NEDD4L: variants seen among roughly 807,000 people sequenced by gnomAD.
NEDD4L encodes the protein NEDD4 like E3 ubiquitin protein ligase.
In NEDD4L, 54 loss-of-function variants were observed where a neutral mutation model predicts 148.9. The ratio of observed to expected loss-of-function variants is 0.36; its 90% CI spans 0.29 to 0.45. NEDD4L has a LOEUF of 0.45. Ranked by LOEUF, NEDD4L falls within the 20% of genes least tolerant of loss-of-function variation. NEDD4L has a pLI of 1.00. For synonymous variants in NEDD4L, 433 were observed against 440.7 expected (o/e 0.98, Z 0.22); for missense variants, 856 against 1,233.8 (o/e 0.69, Z 4.59).
chr18:58,219,163 G>A (rs2043466025), intron 2 of NEDD4L, among the ~76,000 whole-genome samples: 1 of 152,226 alleles, frequency 6.6e-6, no homozygotes, highest in South Asian at 2.1e-4. Flanking sequence ...TAGGGAAAAT[G>A]ACATAGGTGG....
At chr18:58,152,789 C>CA (rs1021699230) in intron 1 of NEDD4L, among the ~76,000 whole-genome samples, 2 of 152,252 alleles carry the variant, frequency 1.3e-5, no homozygotes, top group East Asian at 1.9e-4. Context: ...CCAAGACTTC[C>CA]AAAAAATTGG....
chr18:58,214,070 A>G (rs2042881298), intron 2 of NEDD4L, among the ~76,000 whole-genome samples: 1 of 152,212 alleles, frequency 6.6e-6, no homozygotes, highest in Non-Finnish European at 1.5e-5. Context: ...CCTGCACTTC[A>G]GTCTTAGGAC....
rs1281622732 is a variant in NEDD4L at position 58,330,888 on chromosome 18, A to G, written c.964A>G (p.Asn322Asp). ...AAGGCTTCAGATCACTCCAGACTCC[A>G]ATGGGGAACAGTTCAGCTCTTTGAT... ...SRRLQITPDS[N>D]GEQFSSLIQR... Residue 322 changes from asparagine to aspartate, a missense_variant, in exon 11 of 31, where the codon AAT becomes GAT. Physicochemically the swap from Asn to Asp is conservative, Grantham distance 23. Around this residue, in one of 4 missense-constraint regions of NEDD4L, gnomAD observed 367 missense variants for 422.7 expected, o/e 0.87. Transcript: ENST00000400345. The G allele has an allele frequency of 3.1e-6, 5 of 1,613,750 alleles. No homozygotes were observed. Among genetic ancestry groups the G allele is most frequent in the Non-Finnish European group, 4.2e-6 (5 of 1,179,786 alleles).
At chr18:58,131,462 T>C (rs2032137183) in intron 1 of NEDD4L, among the ~76,000 whole-genome samples, 1 of 151,142 alleles carries the variant, frequency 6.6e-6, no homozygotes, top group African/African-American at 2.4e-5. Context: ...GTGGTGGTGT[T>C]GGGCTCTGTT....
At chr18:58,187,932 G>A (rs1349773788) in intron 2 of NEDD4L, among the ~76,000 whole-genome samples, 5 of 152,260 alleles carry the variant, frequency 3.3e-5, no homozygotes, top group African/African-American at 1.2e-4. Flanking sequence ...CTGGGAATGT[G>A]CTTGAGTCTC....
chr18:58,121,482 G>A (rs2086237117), intron 1 of NEDD4L, among the ~76,000 whole-genome samples: 1 of 151,168 alleles, frequency 6.6e-6, no homozygotes, highest in South Asian at 2.1e-4. Context: ...GCAGTGGTGT[G>A]GCCCTGGCTC....
intron 19 of NEDD4L, among the ~76,000 whole-genome samples, chr18:58,363,061 T>C (rs560634041): frequency 2.0e-4 from 31 of 152,320 alleles, no homozygotes; most frequent in Non-Finnish European, 3.7e-4. Context: ...GCAGTGTAAA[T>C]TGTCTATAGA....
intron 1 of NEDD4L, among the ~76,000 whole-genome samples, chr18:58,087,140 G>A (rs1329631960): frequency 6.6e-6 from 1 of 152,152 alleles, no homozygotes; most frequent in African/African-American, 2.4e-5. Flanking sequence ...ATTTTTTCCT[G>A]ACTTCTTAAC....
intron 1 of NEDD4L, among the ~76,000 whole-genome samples, chr18:58,097,664 T>A (rs2084502015): frequency 6.6e-6 from 1 of 151,830 alleles, no homozygotes. Flanking sequence ...TGGGAAGAGG[T>A]AAATGGTTTC....
At chr18:58,165,600 C>T in intron 1 of NEDD4L, 188 bp from the exon 2 acceptor site, 1 of 1,447,694 alleles carries the variant, frequency 6.9e-7, no homozygotes, top group Non-Finnish European at 9.1e-7. Flanking sequence ...TTTCTAGAGT[C>T]ACAGACTTTT....
chr18:58,105,176 T>C (rs1462982079), intron 1 of NEDD4L, among the ~76,000 whole-genome samples: 1 of 152,178 alleles, frequency 6.6e-6, no homozygotes, highest in African/African-American at 2.4e-5. Context: ...GGTCTGGACA[T>C]GTCCTAGTTT....
chr18:58,298,401 A>T (rs970664614), intron 5 of NEDD4L, among the ~76,000 whole-genome samples: 25 of 152,268 alleles, frequency 1.6e-4, no homozygotes, highest in African/African-American at 4.8e-4. Context: ...ATAGAAGACA[A>T]TCCTGAATTT....
chr18:58,311,515 T>C (rs960869048), intron 5 of NEDD4L, among the ~76,000 whole-genome samples: 2 of 152,146 alleles, frequency 1.3e-5, no homozygotes, highest in African/African-American at 4.8e-5. Context: ...CTTACTTCCT[T>C]TAATACTTTT....
In NEDD4L at chr18:58,370,486, C is replaced by T. The variant is rs1317844980; in HGVS notation, c.2256+19C>T. Reference sequence around the variant, plus strand: ...ATCTGTGGTAAGTAAATGCACGTCACACACTGGCCATCACCGGGCACTCGT... The same window carrying T: ...ATCTGTGGTAAGTAAATGCACGTCATACACTGGCCATCACCGGGCACTCGT... On this transcript the variant is annotated intron_variant, in intron 23 of 30. Transcript: ENST00000400345. 2.0e-6 allele frequency: 3 copies of T among 1,520,360 alleles called. No homozygotes were observed. The highest frequency in any genetic ancestry group is 2.7e-5 in the African/African-American group (2 of 73,132). 94.2% of individuals were successfully genotyped at this position (1,520,360 alleles called of 1,614,324 possible). A position where few individuals can be genotyped will look rare whatever the true frequency, so the allele number is the denominator to read the frequency against.
chr18:58,080,853 GC>G (rs2083393699), intron 1 of NEDD4L, among the ~76,000 whole-genome samples: 2 of 152,138 alleles, frequency 1.3e-5, no homozygotes, highest in South Asian at 4.1e-4. Flanking sequence ...GGAAGTGAGG[GC>G]AACAGTTCCC....
At position 58,190,768 on chromosome 18, in the gene NEDD4L, T is replaced by C. The variant is rs930643261; in HGVS notation, c.122+24907T>C. Among the ~76,000 whole-genome samples the C allele has an allele frequency of 9.2e-5, 14 of 152,228 alleles. 1 individual carries two copies. The highest frequency in any genetic ancestry group is 3.4e-4 in the African/African-American group (14 of 41,450). ...AGTGAGAACCTATGATTTATACTTCTTAGCTTACCTTTTACCTCCATTATT... is the reference window on the plus strand; with the variant it reads ...AGTGAGAACCTATGATTTATACTTCCTAGCTTACCTTTTACCTCCATTATT... On this transcript the variant is annotated intron_variant, in intron 2 of 30. Transcript: ENST00000400345.
rs376882140 is a variant in NEDD4L at position 58,385,601 on chromosome 18, C to T, written c.2487+15C>T. The T allele has an allele frequency of 5.0e-6, 8 of 1,609,912 alleles. No individual in the cohort carries two copies. Among genetic ancestry groups the T allele is most frequent in the Non-Finnish European group, 6.8e-6 (8 of 1,176,242 alleles). On this transcript the variant is annotated intron_variant, in intron 26 of 30. Coordinates refer to ENST00000400345, the MANE Select transcript of NEDD4L (RefSeq NM_001144967.3). The stretch of plus-strand genomic sequence containing the variant: ...CCTTCTTGGAGGTAAGCCATGCTGG[C>T]CAGGGTTCTCTGCCATGTGCCTCTG...
intron 1 of NEDD4L, among the ~76,000 whole-genome samples, chr18:58,123,009 A>G (rs1178947477): frequency 6.6e-6 from 1 of 152,182 alleles, no homozygotes; most frequent in Non-Finnish European, 1.5e-5. Flanking sequence ...CTGGGATTAC[A>G]GGTGTGAGCC....
At chr18:58,335,435 C>T in intron 12 of NEDD4L, 43 bp from the exon 13 acceptor site, 2 of 1,530,526 alleles carry the variant, frequency 1.3e-6, no homozygotes, top group Non-Finnish European at 1.8e-6. Context: ...AGCAGGGGGT[C>T]ATCCCCTAAG....
Sources: gnomAD v4.1 joint callset for allele counts (sites outside exome capture counted in the v4.1 genomes callset) on GRCh38, gnomAD v4.1.1 for gene constraint, gnomAD v4.1.1 regional missense constraint, MANE v1.5 for transcripts, NCBI Gene and HGNC (gene_info 2026-07-23, HGNC 2026-07-21) for gene names.